The following USP42 variants were observed in gnomAD, a reference collection of about 807,000 sequenced individuals.
USP42 encodes ubiquitin specific peptidase 42.
In USP42, 23 loss-of-function variants were observed where a neutral mutation model predicts 113.0. The ratio of observed to expected loss-of-function variants is 0.20; its 90% confidence interval spans 0.15 to 0.29. The LOEUF is 0.29. Among genes scored for constraint, USP42 ranks in the 10% least tolerant of loss-of-function variants. USP42 has a pLI of 1.00. For missense variants in USP42, 2,174 were observed against 1,779.8 expected (o/e 1.22, Z -3.99); for synonymous variants, 933 against 699.0 (o/e 1.33, Z -5.28).
intron 3 of USP42, among the ~76,000 whole-genome samples, chr7:6,124,445 T>C (rs1780412926): frequency 6.6e-6 from 1 of 151,622 alleles, no homozygotes; most frequent in African/African-American, 2.4e-5. Flanking sequence ...TTTGTATTTT[T>C]AGTAGAGATG....
At position 6,150,224 on chromosome 7, in the gene USP42, T is replaced by C. The variant is rs746860102; in HGVS notation, c.2028T>C (p.Pro676=). ...DSDPKENGLA[P]DGASCQGQPA... is the part of the protein sequence containing the mutation. ...ACCCGAAAGAAAACGGCCTAGCGCC[T>C]GATGGTGCCAGCTGCCAAGGCCAGC... is the stretch of plus-strand genomic sequence containing the variant. The change falls in exon 13 of 18, where the codon CCT becomes CCC. Residue 676 remains proline (P), a synonymous_variant. Coordinates refer to ENST00000306177, the MANE Select transcript of USP42 (RefSeq NM_032172.3). The C allele has an allele frequency of 6.2e-7, 1 of 1,613,766 alleles. No individual in the cohort carries two copies. The highest frequency in any genetic ancestry group is 1.3e-5 in the African/African-American group (1 of 74,938).
chr7:6,087,193 A>T, the USP42 span, among the ~76,000 whole-genome samples: 2 of 148,096 alleles, frequency 1.4e-5, no homozygotes, highest in Non-Finnish European at 3.0e-5. Flanking sequence ...CATCACGCCC[A>T]GCTAATTTTC....
upstream of USP42, chr7:6,104,926 C>CGGT (rs1443793447): frequency 3.4e-5 from 5 of 148,070 alleles, no homozygotes; most frequent in Middle Eastern, 3.4e-3. Flanking sequence ...GCGGCGGCGG[C>CGGT]GGTGCCCGGA....
the USP42 span, among the ~76,000 whole-genome samples, chr7:6,097,194 A>G: frequency 2.0e-5 from 3 of 150,978 alleles, no homozygotes; most frequent in African/African-American, 7.4e-5. Context: ...TCGGGGTACC[A>G]CTTTTCCAAC....
At chr7:6,145,453 A>T in intron 9 of USP42, 63 bp from the exon 10 acceptor site, 1 of 1,603,764 alleles carries the variant, frequency 6.2e-7, no homozygotes, top group East Asian at 2.2e-5. Flanking sequence ...AGTACCCTCT[A>T]CCTGAATATG....
Position 6,154,129 on chromosome 7 carries a change from C to G in USP42, c.2575C>G (p.Pro859Ala). The G allele has an allele frequency of 1.3e-6, 2 of 1,598,852 alleles. No individual in the cohort carries two copies. Among genetic ancestry groups the G allele is most frequent in the East Asian group, 2.2e-5 (1 of 44,644 alleles). The part of the protein sequence containing the change: ...AEAPEGLSPA[P>A]PARSEEPCEQ... Reference sequence around the variant, plus strand: ...AGCCCCGGAAGGGTTGAGTCCGGCTCCGCCTGCGCGGTCGGAGGAGCCCTG... The same window carrying G: ...AGCCCCGGAAGGGTTGAGTCCGGCTGCGCCTGCGCGGTCGGAGGAGCCCTG... Residue 859 changes from proline to alanine, a missense_variant, in exon 15 of 18, where the codon CCG becomes GCG. By Grantham distance (27) the Pro-to-Ala change is conservative. Transcript: ENST00000306177.
At chr7:6,101,060 A>G (rs767252040), upstream of USP42, among the ~76,000 whole-genome samples, 3 of 150,842 alleles carry the variant, frequency 2.0e-5, no homozygotes, top group Non-Finnish European at 4.4e-5. Context: ...CCTTGAGGGG[A>G]GCGCTCTAGG....
At chr7:6,085,976 C>T in the USP42 span, among the ~76,000 whole-genome samples, 1 of 150,902 alleles carries the variant, frequency 6.6e-6, no homozygotes, top group Admixed American at 6.6e-5. Flanking sequence ...TCAATGCCAC[C>T]ACAGACACTG....
At chr7:6,101,375 G>A (rs1336589501), upstream of USP42, among the ~76,000 whole-genome samples, 1 of 151,124 alleles carries the variant, frequency 6.6e-6, no homozygotes, top group Non-Finnish European at 1.5e-5. Flanking sequence ...TGAGGGTGGG[G>A]CACTTGGAAT....
intron 14 of USP42, among the ~76,000 whole-genome samples, chr7:6,153,514 A>G (rs542281849): frequency 2.0e-4 from 30 of 152,292 alleles, no homozygotes; most frequent in Admixed American, 8.5e-4. Flanking sequence ...GATGTATTTA[A>G]AGAGACGAAA....
At chr7:6,095,138 C>G in the USP42 span, among the ~76,000 whole-genome samples, 1 of 151,282 alleles carries the variant, frequency 6.6e-6, no homozygotes, top group East Asian at 1.9e-4. Flanking sequence ...AGTCAAGGAA[C>G]CAGTTGCTAA....
intron 3 of USP42, among the ~76,000 whole-genome samples, chr7:6,129,615 C>T (rs1189479146): frequency 3.5e-5 from 5 of 144,836 alleles, no homozygotes; most frequent in Middle Eastern, 4.0e-3. Context: ...AATCCCAGCA[C>T]TTTGGGAGGC....
chr7:6,089,529 A>C, the USP42 span, among the ~76,000 whole-genome samples: 1 of 145,328 alleles, frequency 6.9e-6, no homozygotes, highest in African/African-American at 2.6e-5. Flanking sequence ...GCTTCACCTG[A>C]CTTTCTCTTT....
At chr7:6,152,912 G>T in intron 14 of USP42, 4 of 985,366 alleles carry the variant, frequency 4.1e-6, no homozygotes, top group Non-Finnish European at 4.8e-6. Flanking sequence ...AGGGAGTCGA[G>T]AGGAAAGGAG....
At chr7:6,095,875 G>A in the USP42 span, among the ~76,000 whole-genome samples, 1 of 150,812 alleles carries the variant, frequency 6.6e-6, no homozygotes, top group Non-Finnish European at 1.5e-5. Flanking sequence ...CAATCCTCCT[G>A]CCTCAGCCTC....
intron 3 of USP42, among the ~76,000 whole-genome samples, chr7:6,126,379 G>A (rs908216394): frequency 4.0e-5 from 6 of 151,812 alleles, no homozygotes; most frequent in African/African-American, 1.5e-4. Flanking sequence ...TCGCCTCCTG[G>A]CTTCACGCCA....
chr7:6,150,854 A>C (rs1782002892), intron 14 of USP42, among the ~76,000 whole-genome samples: 1 of 152,144 alleles, frequency 6.6e-6, no homozygotes, highest in African/African-American at 2.4e-5. Flanking sequence ...CTGAGGGTCT[A>C]GGCCAGGGCT....
intron 1 of USP42, among the ~76,000 whole-genome samples, chr7:6,107,312 T>A (rs1173433585): frequency 6.6e-6 from 1 of 152,212 alleles, no homozygotes; most frequent in Non-Finnish European, 1.5e-5. Flanking sequence ...CCCTGAAAAT[T>A]AAGGTTTTTG....
intron 4 of USP42, among the ~76,000 whole-genome samples, chr7:6,138,427 A>G (rs1220551867): frequency 6.6e-6 from 1 of 152,232 alleles, no homozygotes; most frequent in Non-Finnish European, 1.5e-5. Flanking sequence ...TGTAGCACCA[A>G]TTTAAAATCA....
Sources: allele counts gnomAD v4.1 joint callset (sites outside exome capture counted in the v4.1 genomes callset), GRCh38; gene constraint gnomAD v4.1.1; transcripts MANE v1.5; gene names NCBI Gene and HGNC (gene_info 2026-07-23, HGNC 2026-07-21).